Variants in MTCL3 observed in about 807,000 individuals in gnomAD.
MTCL3 encodes MTCL family member 3.
chr6:127,500,865 G>A, the MTCL3 span, among the ~76,000 whole-genome samples: 3 of 152,112 alleles, frequency 2.0e-5, no homozygotes, highest in Non-Finnish European at 2.9e-5. Flanking sequence ...AGGCTGGAGT[G>A]CAGTGGTGCG....
chr6:127,494,635 C>G, the MTCL3 span, among the ~76,000 whole-genome samples: 1 of 152,174 alleles, frequency 6.6e-6, no homozygotes, highest in African/African-American at 2.4e-5. Context: ...GGACTCAAGG[C>G]TACCAGTGAA....
the MTCL3 span, among the ~76,000 whole-genome samples, chr6:127,499,851 A>G: frequency 3.3e-5 from 5 of 152,232 alleles, no homozygotes; most frequent in Admixed American, 3.3e-4. Context: ...GAGATGGTTC[A>G]GAGTATTTCC....
At chr6:127,515,285 T>A in the MTCL3 span, among the ~76,000 whole-genome samples, 1 of 152,152 alleles carries the variant, frequency 6.6e-6, no homozygotes, top group Non-Finnish European at 1.5e-5. The surrounding 1 kb of genome is among the most constrained non-coding windows in gnomAD (Gnocchi z 4.3). Context: ...CAAACCATTA[T>A]AATTAGAGAA....
chr6:127,515,787 A>AGCCGCGGCC, the MTCL3 span: 1 of 1,607,224 alleles, frequency 6.2e-7, no homozygotes, highest in Non-Finnish European at 8.5e-7. The surrounding 1 kb of genome is among the most constrained non-coding windows in gnomAD (Gnocchi z 4.3). Context: ...CGTGCATCTG[A>AGCCGCGGCC]GCCGCGGCCG....
the MTCL3 span, among the ~76,000 whole-genome samples, chr6:127,504,376 T>A: frequency 6.6e-6 from 1 of 152,210 alleles, no homozygotes; most frequent in East Asian, 1.9e-4. Flanking sequence ...CCTGGTGACA[T>A]TATCTGTTAT....
At chr6:127,473,200 A>G in the MTCL3 span, 6 of 1,352,528 alleles carry the variant, frequency 4.4e-6, no homozygotes, top group Non-Finnish European at 5.7e-6. Flanking sequence ...CAGAAATTAT[A>G]CTTCTTTTAC....
At chr6:127,512,142 T>C in the MTCL3 span, among the ~76,000 whole-genome samples, 5 of 152,200 alleles carry the variant, frequency 3.3e-5, no homozygotes, top group Admixed American at 2.0e-4. Flanking sequence ...TTCTGTCTCT[T>C]TTCTCCTCCA....
chr6:127,481,248 G>C, the MTCL3 span: 2 of 946,082 alleles, frequency 2.1e-6, no homozygotes, highest in Non-Finnish European at 2.5e-6. Context: ...CATAAACAAG[G>C]TAGGAAAGAA....
chr6:127,516,067 C>G, the MTCL3 span: 1 of 1,522,320 alleles, frequency 6.6e-7, no homozygotes. Context: ...GCCCCCCTCC[C>G]TTTCCCCGGA....
the MTCL3 span, chr6:127,515,632 C>A: frequency 7.0e-7 from 1 of 1,420,454 alleles, no homozygotes; most frequent in South Asian, 1.6e-5. The surrounding 1 kb of genome is among the most constrained non-coding windows in gnomAD (Gnocchi z 4.3). Context: ...CATGCCCCCG[C>A]CGCTCGCGCT....
At chr6:127,481,478 C>T in the MTCL3 span, 8 of 984,956 alleles carry the variant, frequency 8.1e-6, no homozygotes, top group African/African-American at 1.4e-4. Context: ...GTGCAAGTAC[C>T]AGGAGAAAAC....
the MTCL3 span, among the ~76,000 whole-genome samples, chr6:127,515,238 G>A: frequency 2.0e-5 from 3 of 152,048 alleles, no homozygotes; most frequent in Non-Finnish European, 4.4e-5. This position sits in a 1 kb window ranked among gnomAD's most constrained non-coding sequence, Gnocchi z 4.3. Context: ...GCCCTCTCTC[G>A]TTCTCTTACT....
chr6:127,491,404 G>A, the MTCL3 span, among the ~76,000 whole-genome samples: 2 of 152,088 alleles, frequency 1.3e-5, no homozygotes, highest in African/African-American at 2.4e-5. Flanking sequence ...CAACATCCAG[G>A]GAAGACCCGC....
the MTCL3 span, among the ~76,000 whole-genome samples, chr6:127,500,574 T>C: frequency 3.9e-5 from 6 of 152,210 alleles, no homozygotes; most frequent in African/African-American, 1.4e-4. Flanking sequence ...GTTTGTTATA[T>C]AGGTAAACTT....
At chr6:127,489,332 C>T in the MTCL3 span, among the ~76,000 whole-genome samples, 2 of 152,150 alleles carry the variant, frequency 1.3e-5, no homozygotes, top group Non-Finnish European at 2.9e-5. Context: ...TGAGACACAA[C>T]AGTATTGAAA....
chr6:127,475,336 G>C, the MTCL3 span: 1 of 1,612,826 alleles, frequency 6.2e-7, no homozygotes, highest in East Asian at 2.2e-5. This position sits in a 1 kb window ranked among gnomAD's most constrained non-coding sequence, Gnocchi z 7.3. Context: ...GTCGTCCGCA[G>C]ACTTGGGCAC....
the MTCL3 span, among the ~76,000 whole-genome samples, chr6:127,479,732 G>A: frequency 2.0e-5 from 3 of 151,842 alleles, no homozygotes; most frequent in East Asian, 5.8e-4. Context: ...AGGGCTAATG[G>A]TCATGGTAAT....
At chr6:127,490,417 T>C in the MTCL3 span, among the ~76,000 whole-genome samples, 1 of 152,090 alleles carries the variant, frequency 6.6e-6, no homozygotes, top group Non-Finnish European at 1.5e-5. Flanking sequence ...ATTTTAAAAA[T>C]GTACTTTATA....
chr6:127,515,131 C>A, the MTCL3 span: 1 of 1,231,728 alleles, frequency 8.1e-7, no homozygotes. The surrounding 1 kb of genome is among the most constrained non-coding windows in gnomAD (Gnocchi z 4.3). Context: ...ATTCCAATTC[C>A]AAATTCTCAG....
Sources: gnomAD v4.1 joint callset for allele counts (sites outside exome capture counted in the v4.1 genomes callset) on GRCh38, gnomAD v4.1.1 for gene constraint, Gnocchi (gnomAD v3.1) non-coding constraint, MANE v1.5 for transcripts, NCBI Gene and HGNC (gene_info 2026-07-23, HGNC 2026-07-21) for gene names.